The following GORASP1 variants were observed in gnomAD, a reference collection of about 807,000 sequenced individuals.
GORASP1 encodes Golgi reassembly-stacking protein 1.
Under a neutral mutation model 37.7 loss-of-function variants are expected in GORASP1, and 31 were observed. The ratio of observed to expected loss-of-function variants is 0.82; its 90% CI spans 0.62 to 1.11. GORASP1 has a LOEUF of 1.11. Among genes scored for constraint, GORASP1 ranks in the 50% least tolerant of loss-of-function variants. The probability of loss-of-function intolerance (pLI) is 0.00; values close to 1 mark genes in which losing one functional copy is unlikely to be tolerated. For missense variants in GORASP1, 476 were observed against 560.7 expected (o/e 0.85, Z 1.53); for synonymous variants, 204 against 224.8 (o/e 0.91, Z 0.83).
At chr3:39,099,293 T>C (rs2035544764) in intron 7 of GORASP1, 60 bp downstream of exon 7, 3 of 1,597,470 alleles carry the variant, frequency 1.9e-6, no homozygotes, top group Non-Finnish European at 2.6e-6. Flanking sequence ...AGTTTTGACA[T>C]AGCTGCCAAA....
chr3:39,102,552 C>T lies in GORASP1; in HGVS notation c.348+126G>A, dbSNP rs1279429361. ...GACCACATCCTGCCCTCAGTCTTCC[C>T]TGGCCACTGCTCCAAGGCTCCCACT... On this transcript the variant is annotated intron_variant, in intron 3 of 8. Transcript: ENST00000319283. The surrounding 1 kb of genome is among the most constrained non-coding windows in gnomAD (Gnocchi z 5.0). 1.1e-6 allele frequency: 1 copy of T among 910,010 alleles called. No homozygotes were observed. 56.4% of individuals were successfully genotyped at this position (910,010 alleles called of 1,614,324 possible). A position where few individuals can be genotyped will look rare whatever the true frequency, so the allele number is the denominator to read the frequency against.
intron 1 of GORASP1, among the ~76,000 whole-genome samples, chr3:39,104,788 G>A (rs1301919238): frequency 2.6e-5 from 4 of 152,210 alleles, no homozygotes; most frequent in Admixed American, 6.5e-5. Flanking sequence ...GAGTGAGTGC[G>A]GCCCAGAAAT....
Position 39,100,533 on chromosome 3 carries a change from G to A in GORASP1, c.567-30C>T, listed in dbSNP as rs1161349573. ...CGAAGGCCAGAAACATTCAATCCAG[G>A]GGCTTGTCCCACGGCCCTCCCTACC... On this transcript the variant is annotated intron_variant, in intron 5 of 8. Transcript: ENST00000319283. The surrounding 1 kb of genome is among the most constrained non-coding windows in gnomAD (Gnocchi z 4.6). 9.1e-6 allele frequency: 14 copies of A among 1,534,732 alleles called. 1 individual carries two copies. The South Asian group carries it at 1.8e-4, about 20-fold the overall frequency.
rs376454920 is a variant in GORASP1 at position 39,106,558 on chromosome 3, C to G, written c.63+921G>C. ...GCCCTCTCATGTGGTTAGCTGGCAA[C>G]AGACCCTACCTTCAAAACACACAAA... On this transcript the variant is annotated intron_variant, in intron 1 of 8. Coordinates refer to ENST00000319283, the MANE Select transcript of GORASP1 (RefSeq NM_031899.4). Among the ~76,000 whole-genome samples the G allele has an allele frequency of 9.2e-5, 14 of 152,284 alleles. No homozygotes were observed. The South Asian group carries it at 1.7e-3, about 18-fold the overall frequency.
At position 39,105,959 on chromosome 3, in the gene GORASP1, A is replaced by G. The variant is rs192464733; in HGVS notation, c.63+1520T>C. On this transcript the variant is annotated intron_variant, in intron 1 of 8. Transcript: ENST00000319283. The surrounding 1 kb of genome is among the most constrained non-coding windows in gnomAD (Gnocchi z 5.4). ...ATTCCCCTAAATATCTGTATTGTCC[A>G]CTCTTTACTTCCTTCAGAAGCATCT... 6.6e-6 allele frequency among the ~76,000 whole-genome samples: 1 copy of G among 152,096 alleles called. No individual in the cohort carries two copies. Among genetic ancestry groups the G allele is most frequent in the East Asian group, 1.9e-4 (1 of 5,172 alleles).
In GORASP1 at chr3:39,105,643, A is replaced by G. The variant is rs1369378046; in HGVS notation, c.63+1836T>C. 6.6e-6 allele frequency among the ~76,000 whole-genome samples: 1 copy of G among 152,232 alleles called. No homozygotes were observed. The highest frequency in any genetic ancestry group is 2.4e-5 in the African/African-American group (1 of 41,458). On this transcript the variant is annotated intron_variant, in intron 1 of 8. Transcript: ENST00000319283. This position sits in a 1 kb window ranked among gnomAD's most constrained non-coding sequence, Gnocchi z 5.4. ...GACTTCTCCAAAGTATTGGGCACGCAGCGAGGTGCCAATATTTCTAGAATG... is the reference window on the plus strand; with the variant it reads ...GACTTCTCCAAAGTATTGGGCACGCGGCGAGGTGCCAATATTTCTAGAATG...
intron 1 of GORASP1, among the ~76,000 whole-genome samples, chr3:39,104,415 C>A (rs562957093): frequency 6.6e-6 from 1 of 152,316 alleles, no homozygotes; most frequent in Non-Finnish European, 1.5e-5. Context: ...ATATACAGAG[C>A]CTGGCTTAAA....
At position 39,102,984 on chromosome 3, in the gene GORASP1, G is replaced by T; in HGVS notation, c.145-103C>A. ...GGGGCAAGGGCCTTAGTGGGCAGCA[G>T]CCCTCAGCAGGGTCACTGTGGGGAT... On this transcript the variant is annotated intron_variant, in intron 2 of 8. Coordinates refer to ENST00000319283, the MANE Select transcript of GORASP1 (RefSeq NM_031899.4). This position sits in a 1 kb window ranked among gnomAD's most constrained non-coding sequence, Gnocchi z 5.0. 1 of 1,083,878 alleles carries T rather than the reference G, an allele frequency of 9.2e-7. No individual in the cohort carries two copies. Among genetic ancestry groups the T allele is most frequent in the Non-Finnish European group, 1.4e-6 (1 of 703,468 alleles). The allele number at this position is 1,083,878 out of a possible 1,614,324, so 67.1% of individuals were successfully genotyped here.
Position 39,098,492 on chromosome 3 carries a change from G to A in GORASP1, c.1070-3C>T. ...TGACCCAGACCATGTAGCCTCACCT[G>A]CAACACAGAAGATCAGGCTGAGGAG... is the stretch of plus-strand genomic sequence containing the variant. On this transcript the variant is annotated splice_region_variant and splice_polypyrimidine_tract_variant and intron_variant, in intron 8 of 8. Coordinates refer to ENST00000319283, the MANE Select transcript of GORASP1 (RefSeq NM_031899.4). The surrounding 1 kb of genome is among the most constrained non-coding windows in gnomAD (Gnocchi z 4.7). The A allele has an allele frequency of 6.2e-7, 1 of 1,611,460 alleles. No individual in the cohort carries two copies. The highest frequency in any genetic ancestry group is 8.5e-7 in the Non-Finnish European group (1 of 1,178,336).
In GORASP1 at chr3:39,100,664, C is replaced by A. The variant is rs1027658359; in HGVS notation, c.566+83G>T. On this transcript the variant is annotated intron_variant, in intron 5 of 8. Transcript: ENST00000319283. This position sits in a 1 kb window ranked among gnomAD's most constrained non-coding sequence, Gnocchi z 4.6. ...GGCCCAGGGCCCAACCCTCCTCCATCTCCACCATAGAACTCTGAGGTCCAT... is the reference window on the plus strand; with the variant it reads ...GGCCCAGGGCCCAACCCTCCTCCATATCCACCATAGAACTCTGAGGTCCAT... 6.4e-7 allele frequency: 1 copy of A among 1,553,188 alleles called. No homozygotes were observed.
At chr3:39,104,742 C>T (rs537532756) in intron 1 of GORASP1, among the ~76,000 whole-genome samples, 22 of 152,340 alleles carry the variant, frequency 1.4e-4, no homozygotes, top group Non-Finnish European at 2.4e-4. Context: ...TGAGCCCCTC[C>T]TTATCACCTC....
Position 39,100,547 on chromosome 3 carries a change from GC to G in GORASP1, c.567-45del. The G allele has an allele frequency of 6.6e-7, 1 of 1,520,226 alleles. No individual in the cohort carries two copies. The highest frequency in any genetic ancestry group is 8.8e-7 in the Non-Finnish European group (1 of 1,133,418). 94.2% of individuals were successfully genotyped at this position (1,520,226 alleles called of 1,614,324 possible). On this transcript the variant is annotated intron_variant, in intron 5 of 8. Coordinates refer to ENST00000319283, the MANE Select transcript of GORASP1 (RefSeq NM_031899.4). This position sits in a 1 kb window ranked among gnomAD's most constrained non-coding sequence, Gnocchi z 4.6. ...ATTCAATCCAGGGGCTTGTCCCACG[GC>G]CCTCCCTACCTTTGCTATCCCCACC... is the stretch of plus-strand genomic sequence containing the variant.
At position 39,102,749 on chromosome 3, in the gene GORASP1, G is replaced by C; in HGVS notation, c.277C>G (p.Gln93Glu). Residue 93 changes from glutamine to glutamate, a missense_variant, in exon 3 of 9, where the codon CAG becomes GAG. Physicochemically the swap from Gln to Glu is conservative, Grantham distance 29. Transcript: ENST00000319283. This position sits in a 1 kb window ranked among gnomAD's most constrained non-coding sequence, Gnocchi z 5.0. ...CGCACACTGGCACCCAGTAGGCCCT[G>C]GCCGCCCCACATGTTGCTGGGCACC... ...EVVPSNMWGG[Q>E]GLLGASVRFC... is the part of the protein sequence containing the mutation. The C allele has an allele frequency of 6.2e-7, 1 of 1,614,204 alleles. No individual in the cohort carries two copies. The highest frequency in any genetic ancestry group is 8.5e-7 in the Non-Finnish European group (1 of 1,180,042).
chr3:39,101,226 GC>G, intron 3 of GORASP1, 124 bp from the exon 4 acceptor site: 1 of 818,050 alleles, frequency 1.2e-6, no homozygotes, highest in South Asian at 1.5e-5. Flanking sequence ...CCTAAGCAGG[GC>G]TTCAAGCCCA....
rs766833329 is a variant in GORASP1 at position 39,102,787 on chromosome 3, C to G, written c.239G>C (p.Arg80Pro). The change falls in exon 3 of 9, where the codon CGC becomes CCC. Residue 80 changes from arginine (R) to proline (P), a missense_variant. Physicochemically the swap from Arg to Pro is moderately radical, Grantham distance 103. Transcript: ENST00000319283. The surrounding 1 kb of genome is among the most constrained non-coding windows in gnomAD (Gnocchi z 5.0). ...EVFNMKTMRV[R>P]EVEVVPSNMW... Reference sequence around the variant, plus strand: ...GTTGCTGGGCACCACCTCCACCTCGCGCACCCTCATGGTCTTCATATTGAA... The same window carrying G: ...GTTGCTGGGCACCACCTCCACCTCGGGCACCCTCATGGTCTTCATATTGAA... 12 of 1,614,192 alleles carry G rather than the reference C, an allele frequency of 7.4e-6. No homozygotes were observed. Among genetic ancestry groups the G allele is most frequent in the South Asian group, 3.3e-5 (3 of 91,084 alleles).
chr3:39,107,604 C>T lies in GORASP1; in HGVS notation c.-63G>A, dbSNP rs1476707442. 5 of 1,406,192 alleles carry T rather than the reference C, an allele frequency of 3.6e-6. No individual in the cohort carries two copies. The African/African-American group carries it at 7.3e-5, about 20-fold the overall frequency. 87.1% of individuals were successfully genotyped at this position (1,406,192 alleles called of 1,614,324 possible). A position where few individuals can be genotyped will look rare whatever the true frequency, so the allele number is the denominator to read the frequency against. ...TGCGCCTACCCGGACCGACCCGACG[C>T]CAGTAGCACCGACTCGCTCTCTCGG... On this transcript the variant is annotated 5_prime_UTR_variant, in exon 1 of 9. Transcript: ENST00000319283.
chr3:39,099,274 C>T, intron 7 of GORASP1, 79 bp downstream of exon 7: 1 of 1,521,512 alleles, frequency 6.6e-7, no homozygotes, highest in South Asian at 1.1e-5. Context: ...GTCAGCAAGG[C>T]CTGGGGAAAG....
In GORASP1 at chr3:39,102,950, G is replaced by A. The variant is rs961424565; in HGVS notation, c.145-69C>T. 1.4e-5 allele frequency: 21 copies of A among 1,452,298 alleles called. No individual in the cohort carries two copies. The African/African-American group carries it at 2.8e-4, about 19-fold the overall frequency. 90.0% of individuals were successfully genotyped at this position (1,452,298 alleles called of 1,614,324 possible). Reference sequence around the variant, plus strand: ...GGCTAGGACCCTCAGACAAGTCTGGGCCTGAGATGGGGCAAGGGCCTTAGT... The same window carrying A: ...GGCTAGGACCCTCAGACAAGTCTGGACCTGAGATGGGGCAAGGGCCTTAGT... On this transcript the variant is annotated intron_variant, in intron 2 of 8. Transcript: ENST00000319283. The surrounding 1 kb of genome is among the most constrained non-coding windows in gnomAD (Gnocchi z 5.0).
intron 1 of GORASP1, among the ~76,000 whole-genome samples, chr3:39,104,474 C>G (rs1053291945): frequency 3.9e-5 from 6 of 152,206 alleles, no homozygotes; most frequent in African/African-American, 1.4e-4. Context: ...GGGCCCACAC[C>G]CTCAGGTCTT....
Sources: gnomAD v4.1 joint callset for allele counts (sites outside exome capture counted in the v4.1 genomes callset) on GRCh38, gnomAD v4.1.1 for gene constraint, Gnocchi (gnomAD v3.1) non-coding constraint, MANE v1.5 for transcripts, NCBI Gene and HGNC (gene_info 2026-07-23, HGNC 2026-07-21) for gene names.